Variants in SVIL observed in about 807,000 individuals in gnomAD.
The protein encoded by SVIL is archvillin.
SVIL carries 101 observed loss-of-function variants against 240.4 expected under a neutral mutation model. The observed-to-expected ratio is 0.42, with a 90% CI of 0.36 to 0.50. The LOEUF is 0.50. SVIL is among the 20% of genes least tolerant of loss of function. The pLI, the probability that SVIL is intolerant of heterozygous loss-of-function variation, is 0.01. For missense variants in SVIL, 2,512 were observed against 2,818.7 expected (o/e 0.89, Z 2.46); for synonymous variants, 999 against 1,100.0 (o/e 0.91, Z 1.82).
At chr10:29,677,639 C>G (rs1042282229) in intron 2 of SVIL, among the ~76,000 whole-genome samples, 2 of 152,070 alleles carry the variant, frequency 1.3e-5, no homozygotes, top group Non-Finnish European at 2.9e-5. Context: ...CTAGGCTTCT[C>G]TCAACCCCTG....
chr10:29,547,726 G>C (rs1321271479), intron 6 of SVIL, among the ~76,000 whole-genome samples: 1 of 152,084 alleles, frequency 6.6e-6, no homozygotes, highest in African/African-American at 2.4e-5. Context: ...AAATCTATTT[G>C]AGAATCTATT....
intron 13 of SVIL, among the ~76,000 whole-genome samples, chr10:29,525,245 C>A (rs779166147): frequency 2.6e-5 from 4 of 152,196 alleles, no homozygotes; most frequent in Non-Finnish European, 5.9e-5. Context: ...AGCATTTACT[C>A]TCATAGGTTC....
At chr10:29,500,525 G>A (rs3780852) in intron 17 of SVIL, among the ~76,000 whole-genome samples, 49,347 of 152,036 alleles carry the variant, frequency 0.32, 9,286 homozygotes, top group East Asian at 0.62. Flanking sequence ...TCTTGAACCC[G>A]AGGAAGGCTG....
At chr10:29,650,556 G>A (rs941346470) in intron 3 of SVIL, among the ~76,000 whole-genome samples, 2 of 152,020 alleles carry the variant, frequency 1.3e-5, no homozygotes, top group African/African-American at 2.4e-5. Flanking sequence ...AAATATGGTT[G>A]TATTTAATAC....
intron 1 of SVIL, among the ~76,000 whole-genome samples, chr10:29,706,410 G>A (rs1962894505): frequency 1.3e-5 from 2 of 152,188 alleles, no homozygotes; most frequent in African/African-American, 4.8e-5. Flanking sequence ...GATCAGTAAT[G>A]TCAAGCTTTT....
chr10:29,594,798 C>T (rs1013132619), intron 1 of SVIL, among the ~76,000 whole-genome samples: 1 of 152,208 alleles, frequency 6.6e-6, no homozygotes, highest in Non-Finnish European at 1.5e-5. Flanking sequence ...CTCAAGCAGT[C>T]AGCCTGCCTC....
chr10:29,665,429 T>G (rs1410718512), intron 2 of SVIL, among the ~76,000 whole-genome samples: 1 of 152,028 alleles, frequency 6.6e-6, no homozygotes, highest in Non-Finnish European at 1.5e-5. Flanking sequence ...TAGGTGCACA[T>G]TTTCATGAAA....
chr10:29,656,899 T>G (rs1014412011), intron 3 of SVIL, among the ~76,000 whole-genome samples: 2 of 152,228 alleles, frequency 1.3e-5, no homozygotes, highest in African/African-American at 4.8e-5. Flanking sequence ...TATTAATATA[T>G]GTACATATTC....
Position 29,610,168 on chromosome 10 carries a change from A to G in SVIL, c.-201+24252T>C, listed in dbSNP as rs1957188536. 2.0e-5 allele frequency among the ~76,000 whole-genome samples: 3 copies of G among 151,962 alleles called. No homozygotes were observed. The South Asian group carries it at 6.2e-4, about 32-fold the overall frequency. On this transcript the variant is annotated intron_variant, in intron 1 of 37. Coordinates refer to ENST00000355867, the MANE Select transcript of SVIL (RefSeq NM_021738.3). ...TATCTCTGAGTTCTTGCAGATCTCT[A>G]TCTCCAATCAGTTCCTCAACCTGGG...
chr10:29,572,763 CAAAAAAAA>C (rs375180538), intron 1 of SVIL, among the ~76,000 whole-genome samples: 5 of 81,336 alleles, frequency 6.1e-5, no homozygotes, highest in South Asian at 5.1e-4. Context: ...GATCCTATCT[CAAAAAAAA>C]AAAAAAAAAA....
chr10:29,555,189 T>C, intron 3 of SVIL, 81 bp from the exon 4 acceptor site: 1 of 1,322,298 alleles, frequency 7.6e-7, no homozygotes, highest in Non-Finnish European at 1.0e-6. Flanking sequence ...ACGTGTTTAT[T>C]GAACTGCAAA....
At chr10:29,530,777 G>A (rs1951305848) in intron 10 of SVIL, 109 bp from the exon 11 acceptor site, 2 of 1,172,518 alleles carry the variant, frequency 1.7e-6, no homozygotes, top group Admixed American at 3.7e-5. Context: ...AACAATAGGT[G>A]CACTAAAATA....
intron 6 of SVIL, among the ~76,000 whole-genome samples, chr10:29,547,800 G>A (rs1291599795): frequency 6.6e-6 from 1 of 152,090 alleles, no homozygotes; most frequent in Non-Finnish European, 1.5e-5. Flanking sequence ...TCATCATGTG[G>A]CAATCTGAAA....
chr10:29,634,831 CT>C lies in SVIL; in HGVS notation c.-613del, dbSNP rs1323371210. 1 of 152,092 alleles carries C rather than the reference CT, an allele frequency of 6.6e-6. No individual in the cohort carries two copies. Among genetic ancestry groups the C allele is most frequent in the Non-Finnish European group, 1.5e-5 (1 of 68,016 alleles). 9.4% of individuals were successfully genotyped at this position (152,092 alleles called of 1,614,324 possible). On this transcript the variant is annotated 5_prime_UTR_variant, in exon 1 of 38. The change creates a premature stop within an existing upstream ORF in the 5' untranslated region. Transcript: ENST00000355867. ...ACGCCAAAATATTAATAAAAAGAGT[CT>C]TCTTTTTGAAGTTTTTCGTCCCCTA...
chr10:29,529,565 A>G (rs1951204675), intron 12 of SVIL, 140 bp downstream of exon 12: 6 of 989,426 alleles, frequency 6.1e-6, no homozygotes, highest in East Asian at 3.1e-5. Flanking sequence ...CACAGTAAAC[A>G]AAATCCCTTA....
In SVIL at chr10:29,634,476, C is replaced by T. The variant is rs900797488; in HGVS notation, c.-257G>A. 3 of 152,192 alleles carry T rather than the reference C, an allele frequency of 2.0e-5. No individual in the cohort carries two copies. Among genetic ancestry groups the T allele is most frequent in the South Asian group, 2.1e-4 (1 of 4,836 alleles). 9.4% of individuals were successfully genotyped at this position (152,192 alleles called of 1,614,324 possible). A position where few individuals can be genotyped will look rare whatever the true frequency, so the allele number is the denominator to read the frequency against. ...AGTTAAAGGGGGAAAGAAAATCACACTGCAATTCCTTATTTTTCTAATTTA... is the reference window on the plus strand; with the variant it reads ...AGTTAAAGGGGGAAAGAAAATCACATTGCAATTCCTTATTTTTCTAATTTA... On this transcript the variant is annotated 5_prime_UTR_variant, in exon 1 of 38. In the 5' UTR this introduces an upstream ATG that the reference lacks. Coordinates refer to ENST00000355867, the MANE Select transcript of SVIL (RefSeq NM_021738.3).
intron 3 of SVIL, among the ~76,000 whole-genome samples, chr10:29,646,915 A>C (rs1395849934): frequency 6.6e-6 from 1 of 152,188 alleles, no homozygotes; most frequent in Non-Finnish European, 1.5e-5. Flanking sequence ...TCAGTGACTG[A>C]GGGAGAAGAG....
rs1283485156 is a variant in SVIL at position 29,735,159 on chromosome 10, C to A, written c.-400+592G>T. 6.6e-6 allele frequency among the ~76,000 whole-genome samples: 1 copy of A among 152,122 alleles called. No individual in the cohort carries two copies. Among genetic ancestry groups the A allele is most frequent in the Non-Finnish European group, 1.5e-5 (1 of 68,022 alleles). On this transcript the variant is annotated intron_variant, in intron 1 of 35. Coordinates refer to the SVIL transcript ENST00000375400. This position sits in a 1 kb window ranked among gnomAD's most constrained non-coding sequence, Gnocchi z 4.1. Reference sequence around the variant, plus strand: ...CCACTCCCTTCGGGGAGCCCGCACGCGCGCAGAAACGTGGGCAGCTGGGGT... The same window carrying A: ...CCACTCCCTTCGGGGAGCCCGCACGAGCGCAGAAACGTGGGCAGCTGGGGT...
intron 2 of SVIL, among the ~76,000 whole-genome samples, chr10:29,659,149 CAG>C (rs1226068019): frequency 1.3e-5 from 2 of 152,212 alleles, no homozygotes; most frequent in African/African-American, 4.8e-5. Flanking sequence ...CACAAGGTTA[CAG>C]AGTCATTCTT....
Sources: allele counts gnomAD v4.1 joint callset (sites outside exome capture counted in the v4.1 genomes callset), GRCh38; gene constraint gnomAD v4.1.1; non-coding constraint Gnocchi (gnomAD v3.1); transcripts MANE v1.5; gene names NCBI Gene and HGNC (gene_info 2026-07-23, HGNC 2026-07-21).